The following RNF220 variants were observed in gnomAD, a reference collection of about 807,000 sequenced individuals.
RNF220 encodes E3 ubiquitin-protein ligase RNF220.
A neutral mutation model predicts 67.1 loss-of-function variants in RNF220; 7 were observed. That is an observed-to-expected ratio of 0.10 (90% CI 0.06 to 0.20). The LOEUF (loss-of-function observed/expected upper bound fraction) is 0.20, where lower values mean the gene tolerates loss of function less well. RNF220 is among the 10% of genes least tolerant of loss of function. RNF220 has a pLI of 1.00. For synonymous variants in RNF220, 270 were observed against 283.2 expected (o/e 0.95, Z 0.47); for missense variants, 565 against 740.3 (o/e 0.76, Z 2.75).
At chr1:44,635,778 T>C (rs1469692049) in intron 7 of RNF220, 190 bp downstream of exon 7, 2 of 1,380,652 alleles carry the variant, frequency 1.4e-6, no homozygotes, top group East Asian at 5.0e-5. Flanking sequence ...TCTCAGCAGC[T>C]TCTTCCCTTC....
At chr1:44,531,500 T>C (rs909347253) in intron 2 of RNF220, among the ~76,000 whole-genome samples, 1 of 152,212 alleles carries the variant, frequency 6.6e-6, no homozygotes, top group African/African-American at 2.4e-5. Context: ...GTTAACCCCA[T>C]TAGACTGTAA....
At chr1:44,530,522 T>A (rs61787524) in intron 2 of RNF220, among the ~76,000 whole-genome samples, 32,126 of 115,036 alleles carry the variant, frequency 0.28, 4,294 homozygotes, top group Non-Finnish European at 0.35. Flanking sequence ...TTTCATGGAG[T>A]CAAATCTGCA....
chr1:44,510,128 ACTCAGGAGG>A (rs1021538245), intron 2 of RNF220, among the ~76,000 whole-genome samples: 6 of 151,044 alleles, frequency 4.0e-5, no homozygotes, highest in African/African-American at 1.2e-4. Flanking sequence ...AGTCCCAGCT[ACTCAGGAGG>A]CTGAGGTGAG....
rs193241700 is a variant in RNF220, at chr1:44,644,423, C to T, written c.1127-275C>T. Reference sequence around the variant, plus strand: ...TGGACAGCAGGCCTGGGCTGAGTGTCCCCGAGGACGTGACATAATATATGA... The same window carrying T: ...TGGACAGCAGGCCTGGGCTGAGTGTTCCCGAGGACGTGACATAATATATGA... On this transcript the variant is annotated intron_variant, in intron 8 of 14. Coordinates refer to ENST00000361799, the MANE Select transcript of RNF220 (RefSeq NM_018150.4). The T allele has an allele frequency of 4.8e-5, 18 of 377,716 alleles. No individual in the cohort carries two copies. In the South Asian group the frequency reaches 5.3e-4, roughly 11 times the overall value. 23.4% of individuals were successfully genotyped at this position (377,716 alleles called of 1,614,324 possible).
chr1:44,435,959 A>G (rs1022152435), intron 2 of RNF220, among the ~76,000 whole-genome samples: 1 of 151,800 alleles, frequency 6.6e-6, no homozygotes, highest in Non-Finnish European at 1.5e-5. Context: ...AATGGAAGAA[A>G]CCTTTGGATA....
intron 2 of RNF220, among the ~76,000 whole-genome samples, chr1:44,422,312 G>T (rs1649312549): frequency 6.6e-6 from 1 of 152,126 alleles, no homozygotes; most frequent in Non-Finnish European, 1.5e-5. Flanking sequence ...CTAGGCTTCA[G>T]CTTCCTTCCT....
chr1:44,641,615 G>A lies in RNF220; in HGVS notation c.1127-3083G>A, dbSNP rs113209078. 4.5e-3 allele frequency among the ~76,000 whole-genome samples: 691 copies of A among 152,358 alleles called. 4 individuals are homozygous for A. Among genetic ancestry groups the A allele is most frequent in the Non-Finnish European group, 6.1e-3 (413 of 68,032 alleles). On this transcript the variant is annotated intron_variant, in intron 8 of 14. Coordinates refer to ENST00000361799, the MANE Select transcript of RNF220 (RefSeq NM_018150.4). ...GGCGGGGGCGCTGTCTGCATAAAACGGCTTTATGGCCGTTTCTTTTTATTA... is the reference window on the plus strand; with the variant it reads ...GGCGGGGGCGCTGTCTGCATAAAACAGCTTTATGGCCGTTTCTTTTTATTA...
At chr1:44,441,147 A>C (rs545891592) in intron 2 of RNF220, among the ~76,000 whole-genome samples, 1 of 152,320 alleles carries the variant, frequency 6.6e-6, no homozygotes, top group South Asian at 2.1e-4. Flanking sequence ...AAAGGGGGGA[A>C]ATCCTTGCCC....
intron 1 of RNF220, among the ~76,000 whole-genome samples, chr1:44,410,078 C>A (rs895390130): frequency 6.6e-6 from 1 of 151,660 alleles, no homozygotes; most frequent in Non-Finnish European, 1.5e-5. Context: ...TCACCAGATT[C>A]CTAATTTATG....
chr1:44,473,795 A>G (rs775796719), intron 2 of RNF220, among the ~76,000 whole-genome samples: 3 of 152,062 alleles, frequency 2.0e-5, no homozygotes, highest in Non-Finnish European at 4.4e-5. Context: ...GTTAACCGAC[A>G]CTCTGTATAT....
intron 2 of RNF220, among the ~76,000 whole-genome samples, chr1:44,471,764 C>A (rs760983758): frequency 6.6e-6 from 1 of 152,048 alleles, no homozygotes; most frequent in Non-Finnish European, 1.5e-5. Flanking sequence ...GCAGAGGCTG[C>A]GGTGAGCCGA....
intron 12 of RNF220, among the ~76,000 whole-genome samples, chr1:44,647,243 C>T (rs1242452553): frequency 6.6e-6 from 1 of 152,156 alleles, no homozygotes; most frequent in Non-Finnish European, 1.5e-5. Context: ...CAGCTGCAGG[C>T]CTTAGTTTCC....
In RNF220 at chr1:44,477,286, A is replaced by G. The variant is rs187863220; in HGVS notation, c.625+64564A>G. ...TGGTCCCTTCCCTTGTAAGGCTTATAGTCCAGTGGGGAAAAGAAGTAAACA... is the reference window on the plus strand; with the variant it reads ...TGGTCCCTTCCCTTGTAAGGCTTATGGTCCAGTGGGGAAAAGAAGTAAACA... On this transcript the variant is annotated intron_variant, in intron 2 of 14. Coordinates refer to ENST00000361799, the MANE Select transcript of RNF220 (RefSeq NM_018150.4). 9.3e-4 allele frequency among the ~76,000 whole-genome samples: 141 copies of G among 152,348 alleles called. 2 individuals carry two copies. Among genetic ancestry groups the G allele is most frequent in the African/African-American group, 3.2e-3 (131 of 41,586 alleles).
At chr1:44,493,935 G>A (rs12041594) in intron 2 of RNF220, among the ~76,000 whole-genome samples, 20,586 of 152,124 alleles carry the variant, frequency 0.14, 2,076 homozygotes, top group East Asian at 0.5. Flanking sequence ...GCCCAGGCAC[G>A]GTAGTTCATG....
intron 2 of RNF220, among the ~76,000 whole-genome samples, chr1:44,538,532 G>T (rs7554123): frequency 0.048 from 7,275 of 152,124 alleles, 352 homozygotes; most frequent in East Asian, 0.26. Context: ...TAACAACCTC[G>T]GAATTGCCAA....
chr1:44,506,416 T>A (rs936448679), intron 2 of RNF220, among the ~76,000 whole-genome samples: 8 of 152,254 alleles, frequency 5.3e-5, no homozygotes, highest in Admixed American at 5.2e-4. Flanking sequence ...GGCCGCCATG[T>A]GCCATACACA....
At chr1:44,452,570 A>C (rs1157290413) in intron 2 of RNF220, among the ~76,000 whole-genome samples, 1 of 152,184 alleles carries the variant, frequency 6.6e-6, no homozygotes, top group African/African-American at 2.4e-5. Context: ...AATAATAAAA[A>C]TAAATAAATA....
At chr1:44,542,794 C>G (rs1279152856) in intron 2 of RNF220, among the ~76,000 whole-genome samples, 1 of 152,194 alleles carries the variant, frequency 6.6e-6, no homozygotes. Context: ...CCTGAACCCT[C>G]GAGTTCTCCT....
At chr1:44,632,406 CCCTCCG>C in intron 6 of RNF220, 21 bp downstream of exon 6, 1 of 1,439,306 alleles carries the variant, frequency 6.9e-7, no homozygotes, top group Non-Finnish European at 9.4e-7. Flanking sequence ...CCCGGCCCCT[CCCTCCG>C]CCCCACCCCC....
Sources: gnomAD v4.1 joint callset for allele counts (sites outside exome capture counted in the v4.1 genomes callset) on GRCh38, gnomAD v4.1.1 for gene constraint, MANE v1.5 for transcripts, NCBI Gene and HGNC (gene_info 2026-07-23, HGNC 2026-07-21) for gene names.